Variants in CTNNA2 observed in about 807,000 individuals in gnomAD.
The protein encoded by CTNNA2 is catenin alpha 2, also known as catenin alpha-2.
A neutral mutation model predicts 101.0 loss-of-function variants in CTNNA2; 42 were observed. The ratio of observed to expected loss-of-function variants is 0.42; its 90% confidence interval spans 0.32 to 0.54. CTNNA2 has a LOEUF of 0.54. Among genes scored for constraint, CTNNA2 ranks in the 20% least tolerant of loss-of-function variants. CTNNA2 has a pLI of 0.14. For missense variants in CTNNA2, 871 were observed against 1,223.1 expected (o/e 0.71, Z 4.29); for synonymous variants, 450 against 456.4 (o/e 0.99, Z 0.18).
chr2:79,738,042 T>C (rs1671021456), intron 2 of CTNNA2, among the ~76,000 whole-genome samples: 1 of 152,184 alleles, frequency 6.6e-6, no homozygotes, highest in Non-Finnish European at 1.5e-5. Context: ...ATGAATGAAA[T>C]GGTCTTGGCC....
chr2:80,263,448 C>T (rs1419696583), intron 7 of CTNNA2, among the ~76,000 whole-genome samples: 1 of 152,136 alleles, frequency 6.6e-6, no homozygotes, highest in African/African-American at 2.4e-5. Flanking sequence ...AATTCTTCTG[C>T]CTCAGCTTCT....
intron 7 of CTNNA2, among the ~76,000 whole-genome samples, chr2:80,209,634 A>G (rs923613284): frequency 6.6e-6 from 1 of 151,900 alleles, no homozygotes; most frequent in Non-Finnish European, 1.5e-5. Flanking sequence ...GACACACCAC[A>G]CGCACACACA....
At chr2:80,270,706 TA>T (rs1412294345) in intron 7 of CTNNA2, among the ~76,000 whole-genome samples, 1 of 152,222 alleles carries the variant, frequency 6.6e-6, no homozygotes, top group African/African-American at 2.4e-5. Flanking sequence ...AACTCAGTAA[TA>T]CCAGTCATAG....
At chr2:79,316,514 G>A (rs1375540314) in intron 3 of CTNNA2, among the ~76,000 whole-genome samples, 1 of 151,908 alleles carries the variant, frequency 6.6e-6, no homozygotes, top group African/African-American at 2.4e-5. Context: ...TGAATAAATT[G>A]GCATCTTAAA....
intron 7 of CTNNA2, among the ~76,000 whole-genome samples, chr2:80,159,971 G>A (rs1704214013): frequency 6.6e-6 from 1 of 151,824 alleles, no homozygotes; most frequent in Non-Finnish European, 1.5e-5. Flanking sequence ...TTTTGCATTT[G>A]AGCTGTGATC....
chr2:80,103,516 T>A (rs1187423213), intron 7 of CTNNA2, among the ~76,000 whole-genome samples: 1 of 152,154 alleles, frequency 6.6e-6, no homozygotes, highest in African/African-American at 2.4e-5. Flanking sequence ...TATAATTTAG[T>A]CTATAACAAT....
chr2:79,245,725 G>A (rs1445186374), intron 2 of CTNNA2, among the ~76,000 whole-genome samples: 1 of 152,198 alleles, frequency 6.6e-6, no homozygotes, highest in Non-Finnish European at 1.5e-5. Flanking sequence ...CCATGGATTG[G>A]ACTTATATTC....
At chr2:80,307,397 C>T (rs1163050520) in intron 7 of CTNNA2, among the ~76,000 whole-genome samples, 1 of 152,022 alleles carries the variant, frequency 6.6e-6, no homozygotes, top group Non-Finnish European at 1.5e-5. Flanking sequence ...ACTTTTGAGT[C>T]ACCACAGCAA....
At chr2:79,775,822 T>G (rs1673921624) in intron 3 of CTNNA2, among the ~76,000 whole-genome samples, 1 of 152,212 alleles carries the variant, frequency 6.6e-6, no homozygotes. Context: ...ATAGCACTCT[T>G]CAGTGGTCAT....
chr2:79,842,277 T>G (rs1483034234), intron 3 of CTNNA2, among the ~76,000 whole-genome samples: 2 of 152,202 alleles, frequency 1.3e-5, no homozygotes, highest in Non-Finnish European at 2.9e-5. Context: ...ATTAAAATCC[T>G]CATTCCATTA....
At chr2:80,630,146 A>T (rs916047797) in intron 18 of CTNNA2, among the ~76,000 whole-genome samples, 2 of 152,180 alleles carry the variant, frequency 1.3e-5, no homozygotes, top group African/African-American at 4.8e-5. Flanking sequence ...TTCCTGTCTT[A>T]GAGCTTATGT....
At chr2:80,566,214 G>A (rs1386894430) in intron 12 of CTNNA2, among the ~76,000 whole-genome samples, 2 of 152,306 alleles carry the variant, frequency 1.3e-5, no homozygotes, top group Admixed American at 6.5e-5. Context: ...CATGGCAACT[G>A]TCTTCCATCA....
chr2:80,514,798 G>A (rs1688980416), intron 9 of CTNNA2, among the ~76,000 whole-genome samples: 1 of 152,168 alleles, frequency 6.6e-6, no homozygotes. Context: ...TATAGGCACA[G>A]GATGGGGGGT....
intron 2 of CTNNA2, among the ~76,000 whole-genome samples, chr2:79,309,466 G>A (rs1011865474): frequency 6.6e-6 from 1 of 152,134 alleles, no homozygotes; most frequent in Non-Finnish European, 1.5e-5. Context: ...TTTATAGACA[G>A]AAAAAGGACT....
intron 7 of CTNNA2, among the ~76,000 whole-genome samples, chr2:80,271,665 A>C (rs1006485070): frequency 6.6e-6 from 1 of 151,986 alleles, no homozygotes; most frequent in African/African-American, 2.4e-5. Flanking sequence ...CTCGTGATCT[A>C]CCTGCCTCGG....
intron 12 of CTNNA2, among the ~76,000 whole-genome samples, chr2:80,564,262 C>G (rs953822777): frequency 2.6e-5 from 4 of 152,138 alleles, no homozygotes; most frequent in African/African-American, 4.8e-5. Context: ...TTGACAAACA[C>G]TAAGCTAAAT....
At chr2:79,725,659 C>G (rs1295686884) in intron 2 of CTNNA2, among the ~76,000 whole-genome samples, 1 of 152,162 alleles carries the variant, frequency 6.6e-6, no homozygotes, top group East Asian at 1.9e-4. Context: ...TGTCTCTTGT[C>G]ATTTCCTGTC....
intron 1 of CTNNA2, among the ~76,000 whole-genome samples, chr2:79,536,921 C>T (rs536596362): frequency 6.6e-6 from 1 of 152,118 alleles, no homozygotes; most frequent in Non-Finnish European, 1.5e-5. Flanking sequence ...AGGCTGGGCT[C>T]GAACTCCTGA....
chr2:80,301,916 CA>C (rs528489978), intron 7 of CTNNA2: 11,759 of 140,062 alleles, frequency 0.084, 166 homozygotes, highest in Middle Eastern at 0.17. Flanking sequence ...TTTTAGTTTA[CA>C]AAAAAAAAAA....
Sources: allele counts gnomAD v4.1 joint callset (sites outside exome capture counted in the v4.1 genomes callset), GRCh38; gene constraint gnomAD v4.1.1; transcripts MANE v1.5; gene names NCBI Gene and HGNC (gene_info 2026-07-23, HGNC 2026-07-21).